Variants in TTC29 observed in about 807,000 individuals in gnomAD.
The protein encoded by TTC29 is tetratricopeptide repeat protein 29.
In TTC29, 49 loss-of-function variants were observed where a neutral mutation model predicts 58.1. The observed-to-expected ratio is 0.84, with a 90% CI of 0.67 to 1.07. The LOEUF (loss-of-function observed/expected upper bound fraction) is 1.07. TTC29 is among the 50% of genes least tolerant of loss of function. TTC29 has a pLI of 0.00. For synonymous variants in TTC29, 209 were observed against 196.8 expected, an observed-to-expected ratio of 1.06 and a Z score of -0.52; for missense variants, 582 against 555.6, an observed-to-expected ratio of 1.05 and a Z score of -0.48.
intron 11 of TTC29, among the ~76,000 whole-genome samples, chr4:146,751,645 C>T (rs947829076): frequency 6.6e-6 from 1 of 152,052 alleles, no homozygotes; most frequent in Non-Finnish European, 1.5e-5. Flanking sequence ...ACGCCAAAAA[C>T]AGACAAATGA....
rs1004233257 is a variant in TTC29, at chr4:146,809,318, T to A, written c.1102-5633A>T. ...AACCTAGGCAATACCATTCAGGACA[T>A]AGGCATGGGCAAAGACTTCATGACT... On this transcript the variant is annotated intron_variant, in intron 10 of 12. Coordinates refer to ENST00000325106, the MANE Select transcript of TTC29 (RefSeq NM_031956.4). Among the ~76,000 whole-genome samples, 4 of 150,098 alleles carry A rather than the reference T, an allele frequency of 2.7e-5. No individual in the cohort carries two copies. In the East Asian group the frequency reaches 7.9e-4, roughly 30 times the overall value.
At chr4:146,866,037 G>A (rs909632947) in intron 8 of TTC29, among the ~76,000 whole-genome samples, 27 of 152,086 alleles carry the variant, frequency 1.8e-4, no homozygotes, top group Non-Finnish European at 1.9e-4. Flanking sequence ...ACATATATAT[G>A]CACTTTATGA....
chr4:146,935,632 C>T (rs550862701), intron 4 of TTC29, among the ~76,000 whole-genome samples: 7 of 152,200 alleles, frequency 4.6e-5, no homozygotes, highest in South Asian at 2.1e-4. Context: ...ACGGTACAGC[C>T]GGCACTCGAT....
Position 146,909,009 on chromosome 4 carries a change from A to G in TTC29, c.400+17T>C. The stretch of plus-strand genomic sequence containing the variant: ...TTCTGGCTCCTTCTGTGCTCTGCCC[A>G]CAGTCCCACCACTTACCTTTCCTCT... On this transcript the variant is annotated intron_variant, in intron 5 of 12. Coordinates refer to ENST00000325106, the MANE Select transcript of TTC29 (RefSeq NM_031956.4). The G allele has an allele frequency of 6.2e-7, 1 of 1,608,610 alleles. No homozygotes were observed. The highest frequency in any genetic ancestry group is 8.5e-7 in the Non-Finnish European group (1 of 1,175,712).
At chr4:146,844,533 CTTT>C (rs1057306963) in intron 8 of TTC29, among the ~76,000 whole-genome samples, 1 of 151,864 alleles carries the variant, frequency 6.6e-6, no homozygotes, top group African/African-American at 2.4e-5. Context: ...TCTTAACCTT[CTTT>C]TTTTTGTTTA....
intron 11 of TTC29, among the ~76,000 whole-genome samples, chr4:146,735,513 T>C (rs1055879174): frequency 2.6e-5 from 4 of 152,194 alleles, no homozygotes; most frequent in African/African-American, 9.7e-5. Context: ...AGGTTATTCT[T>C]GAGGGAATAG....
intron 6 of TTC29, among the ~76,000 whole-genome samples, chr4:146,879,706 A>C (rs1384483039): frequency 1.3e-5 from 2 of 152,202 alleles, no homozygotes; most frequent in Non-Finnish European, 2.9e-5. Context: ...TAGAAGGACA[A>C]GAACAAGTGT....
chr4:146,712,479 G>A (rs1742575454), intron 11 of TTC29, among the ~76,000 whole-genome samples: 1 of 152,156 alleles, frequency 6.6e-6, no homozygotes, highest in Non-Finnish European at 1.5e-5. Context: ...TAAAACGGCT[G>A]GTCAGGGATG....
chr4:146,918,872 C>T (rs549360590), intron 4 of TTC29, among the ~76,000 whole-genome samples: 2 of 150,920 alleles, frequency 1.3e-5, no homozygotes, highest in African/African-American at 2.4e-5. Context: ...TTTTCTTTAT[C>T]GAAAAACCTC....
intron 6 of TTC29, among the ~76,000 whole-genome samples, chr4:146,886,784 T>C (rs1414706449): frequency 6.6e-6 from 1 of 152,116 alleles, no homozygotes; most frequent in East Asian, 1.9e-4. Context: ...AAGGAGATGG[T>C]GTTGGGTAGT....
intron 11 of TTC29, among the ~76,000 whole-genome samples, chr4:146,749,510 T>C (rs548715731): frequency 2.6e-5 from 4 of 152,252 alleles, no homozygotes; most frequent in East Asian, 3.9e-4. Context: ...AGAGTGAAGA[T>C]AGCCTATGGG....
At chr4:146,712,489 G>T (rs1347694725) in intron 11 of TTC29, among the ~76,000 whole-genome samples, 2 of 152,062 alleles carry the variant, frequency 1.3e-5, no homozygotes, top group Non-Finnish European at 2.9e-5. Context: ...GGTCAGGGAT[G>T]CAGGCTGTGA....
chr4:146,833,200 G>A (rs1728281764), intron 9 of TTC29, among the ~76,000 whole-genome samples: 1 of 152,140 alleles, frequency 6.6e-6, no homozygotes, highest in African/African-American at 2.4e-5. Flanking sequence ...AAGTCATAAT[G>A]CTACTCTATA....
intron 6 of TTC29, among the ~76,000 whole-genome samples, chr4:146,882,725 TC>T (rs1382283435): frequency 1.3e-5 from 2 of 152,094 alleles, no homozygotes; most frequent in Non-Finnish European, 2.9e-5. Flanking sequence ...TGCCGAAGTA[TC>T]AGTATTGATT....
chr4:146,934,889 A>G (rs1735654396), intron 4 of TTC29, among the ~76,000 whole-genome samples: 1 of 152,188 alleles, frequency 6.6e-6, no homozygotes, highest in African/African-American at 2.4e-5. Flanking sequence ...GAGGCATTTC[A>G]GTAAGTATGG....
chr4:146,715,044 C>T (rs1742827251), intron 11 of TTC29, among the ~76,000 whole-genome samples: 2 of 152,088 alleles, frequency 1.3e-5, no homozygotes, highest in African/African-American at 4.8e-5. Context: ...TGTTTCATTG[C>T]CTACTCTGCT....
intron 6 of TTC29, among the ~76,000 whole-genome samples, chr4:146,892,931 T>C (rs1005893058): frequency 2.6e-5 from 4 of 152,136 alleles, no homozygotes; most frequent in Admixed American, 6.5e-5. Flanking sequence ...CCATTCACAA[T>C]TGCTTCAAAG....
At chr4:146,764,549 A>G (rs1010223728) in intron 11 of TTC29, among the ~76,000 whole-genome samples, 3 of 151,960 alleles carry the variant, frequency 2.0e-5, no homozygotes, top group Non-Finnish European at 4.4e-5. Flanking sequence ...TTTTAAAAAG[A>G]AAAAAAACCT....
chr4:146,734,092 A>T (rs773421729), intron 11 of TTC29, among the ~76,000 whole-genome samples: 12 of 152,208 alleles, frequency 7.9e-5, no homozygotes, highest in Non-Finnish European at 1.8e-4. Context: ...GTCTCTCTAC[A>T]TCAAATGACT....
Sources: allele counts gnomAD v4.1 joint callset (sites outside exome capture counted in the v4.1 genomes callset), GRCh38; gene constraint gnomAD v4.1.1; transcripts MANE v1.5; gene names NCBI Gene and HGNC (gene_info 2026-07-23, HGNC 2026-07-21).